The following SH3KBP1 variants were observed in gnomAD, a reference collection of about 807,000 sequenced individuals.
SH3KBP1 encodes SH3 domain-containing kinase-binding protein 1.
In SH3KBP1, 8 loss-of-function variants were observed where a neutral mutation model predicts 50.1. The ratio of observed to expected loss-of-function variants is 0.16; its 90% CI spans 0.09 to 0.29. SH3KBP1 has a LOEUF of 0.29. SH3KBP1 is among the 10% of genes least tolerant of loss of function. The probability of loss-of-function intolerance (pLI) is 1.00; values close to 1 mark genes in which losing one functional copy is unlikely to be tolerated. For missense variants in SH3KBP1, 377 were observed against 535.2 expected (o/e 0.70, Z 2.92); for synonymous variants, 227 against 218.6 (o/e 1.04, Z -0.34).
chrX:19,823,372 C>A (rs898184106), intron 2 of SH3KBP1, among the ~76,000 whole-genome samples: 28 of 112,191 alleles, frequency 2.5e-4, no homozygotes, highest in Non-Finnish European at 9.4e-5. Flanking sequence ...GGAAGAATAA[C>A]CCACTTCCAA....
At chrX:19,717,834 A>G (rs777328542) in intron 3 of SH3KBP1, among the ~76,000 whole-genome samples, 22 of 111,821 alleles carry the variant, frequency 2.0e-4, no homozygotes, top group Non-Finnish European at 3.8e-4. Flanking sequence ...GCAGGGCTAT[A>G]TATGAACAAG....
chrX:19,856,247 A>G (rs1303669731), intron 1 of SH3KBP1, among the ~76,000 whole-genome samples: 1 of 112,076 alleles, frequency 8.9e-6, no homozygotes, highest in Non-Finnish European at 1.9e-5. Flanking sequence ...ATATGCTCCT[A>G]GCTTGCTTCT....
intron 7 of SH3KBP1, among the ~76,000 whole-genome samples, chrX:19,637,497 T>C (rs2061736652): frequency 8.9e-6 from 1 of 111,801 alleles, no homozygotes; most frequent in Admixed American, 9.4e-5. Flanking sequence ...TGTCAGAGTA[T>C]CTGAAACGGG....
Position 19,535,364 on chromosome X carries a change from CGGGTAA to C in SH3KBP1, c.*1047_*1052del, listed in dbSNP as rs770020846. The C allele has an allele frequency of 5.9e-4, 92 of 154,978 alleles. 1 individual carries two copies. The Middle Eastern group carries it at 7.4e-3, about 12-fold the overall frequency. The allele number at this position is 154,978 out of a possible 1,213,427, so 12.8% of individuals were successfully genotyped here. On this transcript the variant is annotated 3_prime_UTR_variant, in exon 18 of 18. Coordinates refer to ENST00000397821, the MANE Select transcript of SH3KBP1 (RefSeq NM_031892.3). ...AATACAGTTTAAACGATAACACACA[CGGGTAA>C]CCCAGTGCAGGAAATAATACAACTT... is the stretch of plus-strand genomic sequence containing the variant.
chrX:19,821,219 C>T (rs774514512), intron 2 of SH3KBP1, among the ~76,000 whole-genome samples: 7 of 111,525 alleles, frequency 6.3e-5, no homozygotes, highest in Non-Finnish European at 1.3e-4. Flanking sequence ...GGTGAAACCC[C>T]GTCTCTACTA....
At chrX:19,799,234 G>A (rs2066820140) in intron 2 of SH3KBP1, among the ~76,000 whole-genome samples, 1 of 111,427 alleles carries the variant, frequency 9.0e-6, no homozygotes, top group African/African-American at 3.3e-5. Context: ...CTGCAGAAAT[G>A]GATGCCTGCA....
chrX:19,702,149 G>A (rs1387976188), intron 4 of SH3KBP1, among the ~76,000 whole-genome samples: 1 of 112,050 alleles, frequency 8.9e-6, no homozygotes, highest in African/African-American at 3.2e-5. Context: ...TTTGCAAAGA[G>A]ATACACACCC....
chrX:19,734,638 A>C (rs189242837), intron 3 of SH3KBP1, among the ~76,000 whole-genome samples: 2 of 112,038 alleles, frequency 1.8e-5, no homozygotes, highest in Non-Finnish European at 3.8e-5. Flanking sequence ...ATTTTAGAAC[A>C]TTTCTATCAC....
chrX:19,666,415 A>T (rs1179215683), intron 6 of SH3KBP1, among the ~76,000 whole-genome samples: 1 of 110,981 alleles, frequency 9.0e-6, no homozygotes, highest in Admixed American at 9.6e-5. Context: ...AAACCAAGTA[A>T]CTACCTGGGC....
At chrX:19,646,701 G>A (rs1268590214) in intron 6 of SH3KBP1, among the ~76,000 whole-genome samples, 1 of 112,509 alleles carries the variant, frequency 8.9e-6, no homozygotes, top group African/African-American at 3.2e-5. Flanking sequence ...TGCTTCAAAC[G>A]TTGAACCCAA....
At chrX:19,584,509 T>A (rs2066499148) in intron 12 of SH3KBP1, among the ~76,000 whole-genome samples, 1 of 107,359 alleles carries the variant, frequency 9.3e-6, no homozygotes, top group East Asian at 2.9e-4. Context: ...TTTAAAAATT[T>A]TTTTGTAGAG....
At chrX:19,717,224 C>T (rs1569438512) in intron 3 of SH3KBP1, among the ~76,000 whole-genome samples, 1 of 111,732 alleles carries the variant, frequency 8.9e-6, no homozygotes, top group Non-Finnish European at 1.9e-5. Context: ...CCTTTGGGGG[C>T]CAATGACCTT....
At position 19,860,280 on chromosome X, in the gene SH3KBP1, TAAA is replaced by T. The variant is rs35933756; in HGVS notation, c.5-24001_5-23999del. Among the ~76,000 whole-genome samples, 96 of 41,348 alleles carry T rather than the reference TAAA, an allele frequency of 2.3e-3. 1 individual carries two copies. Among genetic ancestry groups the T allele is most frequent in the African/African-American group, 9.3e-3 (94 of 10,144 alleles). The allele number at this position is 41,348 out of a possible 115,157, so 35.9% of individuals were successfully genotyped here. ...AGGCAACACAGTGAGATCCCACCTC[TAAA>T]AAAAAAAAAAAAAAAAAAAAGAAGT... On this transcript the variant is annotated intron_variant, in intron 1 of 17. Transcript: ENST00000397821.
chrX:19,756,084 C>A (rs1031607599), intron 2 of SH3KBP1, among the ~76,000 whole-genome samples: 3 of 110,710 alleles, frequency 2.7e-5, no homozygotes, highest in Non-Finnish European at 5.7e-5. Flanking sequence ...GTTTTGTCTG[C>A]GGCTTGTCCT....
chrX:19,580,598 C>G (rs1182038966), intron 12 of SH3KBP1, among the ~76,000 whole-genome samples: 2 of 111,930 alleles, frequency 1.8e-5, no homozygotes, highest in African/African-American at 6.5e-5. Flanking sequence ...AATGCAAATT[C>G]TCAGGCCTTA....
intron 2 of SH3KBP1, chrX:19,799,847 T>A (rs1422128542): frequency 9.8e-7 from 1 of 1,021,547 alleles, no homozygotes; most frequent in African/African-American, 2.0e-5. Flanking sequence ...CACTACACAC[T>A]CACACTGGTG....
chrX:19,712,990 G>A (rs372886297), intron 3 of SH3KBP1, among the ~76,000 whole-genome samples: 2 of 111,410 alleles, frequency 1.8e-5, no homozygotes, highest in East Asian at 5.7e-4. Context: ...TTGGGAGGCT[G>A]AGGCAGGAGG....
intron 10 of SH3KBP1, among the ~76,000 whole-genome samples, chrX:19,594,714 C>A (rs776843456): frequency 9.0e-6 from 1 of 111,103 alleles, no homozygotes; most frequent in South Asian, 3.9e-4. Flanking sequence ...TGATCATTCT[C>A]ATTGGGAGCC....
chrX:19,862,435 C>A (rs2068801178), intron 1 of SH3KBP1, among the ~76,000 whole-genome samples: 1 of 111,802 alleles, frequency 8.9e-6, no homozygotes, highest in Non-Finnish European at 1.9e-5. Flanking sequence ...CTGCTAATTT[C>A]TTTGGAATAT....
Sources: allele counts gnomAD v4.1 joint callset (sites outside exome capture counted in the v4.1 genomes callset), GRCh38; gene constraint gnomAD v4.1.1; transcripts MANE v1.5; gene names NCBI Gene and HGNC (gene_info 2026-07-23, HGNC 2026-07-21).